Variants in C1orf21 observed in about 807,000 individuals in gnomAD.
C1orf21 encodes chromosome 1 open reading frame 21.
C1orf21 carries 3 observed loss-of-function variants against 18.7 expected under a neutral mutation model. The ratio of observed to expected loss-of-function variants is 0.16; its 90% CI spans 0.07 to 0.42. The LOEUF (loss-of-function observed/expected upper bound fraction) is 0.42, where lower values mean the gene tolerates loss of function less well. Among genes scored for constraint, C1orf21 ranks in the 10% least tolerant of loss-of-function variants. The pLI is 0.99. For synonymous variants in C1orf21, 41 were observed against 46.4 expected, an observed-to-expected ratio of 0.88 and a Z score of 0.47; for missense variants, 104 against 143.6, an observed-to-expected ratio of 0.72 and a Z score of 1.41.
At chr1:184,559,705 C>A (rs1371520251) in intron 3 of C1orf21, among the ~76,000 whole-genome samples, 1 of 148,364 alleles carries the variant, frequency 6.7e-6, no homozygotes, top group Non-Finnish European at 1.5e-5. Context: ...TGGCTCACTA[C>A]AACCTGAGCT....
At chr1:184,560,070 AG>A (rs1047978937) in intron 3 of C1orf21, among the ~76,000 whole-genome samples, 1 of 152,150 alleles carries the variant, frequency 6.6e-6, no homozygotes, top group African/African-American at 2.4e-5. Flanking sequence ...TCTCCTCTAT[AG>A]CAATGCAAGA....
intron 3 of C1orf21, among the ~76,000 whole-genome samples, chr1:184,585,822 G>A (rs371777548): frequency 1.3e-5 from 2 of 152,160 alleles, no homozygotes; most frequent in East Asian, 1.9e-4. Flanking sequence ...TGGCTGCATG[G>A]TATTCCAGAT....
rs1408833967 is a variant in C1orf21, at chr1:184,410,644, TATATATATATATATATA to T, written c.-125+23277_-125+23293del. Among the ~76,000 whole-genome samples the T allele has an allele frequency of 9.5e-3, 49 of 5,168 alleles. 8 individuals are homozygous for T. Among genetic ancestry groups the T allele is most frequent in the Admixed American group, 0.031 (13 of 418 alleles). The allele number at this position is 5,168 out of a possible 152,430, so 3.4% of individuals were successfully genotyped here. A position where few individuals can be genotyped will look rare whatever the true frequency, so the allele number is the denominator to read the frequency against. On this transcript the variant is annotated intron_variant, in intron 1 of 5. Transcript: ENST00000235307. ...ATATATATATATATATATATATATA[TATATATATATATATATA>T]TATTTTTTTTTTTTTTTTTTGAGAT...
chr1:184,532,479 T>C (rs755337379), intron 3 of C1orf21, among the ~76,000 whole-genome samples: 3 of 152,172 alleles, frequency 2.0e-5, no homozygotes, highest in Non-Finnish European at 4.4e-5. Flanking sequence ...GCATTATGGC[T>C]CATGTCTGTA....
chr1:184,421,334 G>A (rs759410558), intron 1 of C1orf21, among the ~76,000 whole-genome samples: 1 of 152,238 alleles, frequency 6.6e-6, no homozygotes, highest in Non-Finnish European at 1.5e-5. Context: ...TTGAACTCCT[G>A]GGCTCAAGCA....
intron 5 of C1orf21, among the ~76,000 whole-genome samples, chr1:184,604,834 A>C (rs1046624217): frequency 2.6e-5 from 4 of 152,366 alleles, no homozygotes; most frequent in Middle Eastern, 3.4e-3. Context: ...CTGAAAAGAA[A>C]TGCAACACAC....
At chr1:184,591,159 C>T (rs957631620) in intron 4 of C1orf21, among the ~76,000 whole-genome samples, 2 of 152,032 alleles carry the variant, frequency 1.3e-5, no homozygotes, top group African/African-American at 4.8e-5. Context: ...GGAACCAATC[C>T]CCCACAGATA....
At chr1:184,501,214 A>G (rs1441003024) in intron 2 of C1orf21, among the ~76,000 whole-genome samples, 1 of 152,150 alleles carries the variant, frequency 6.6e-6, no homozygotes, top group Non-Finnish European at 1.5e-5. Flanking sequence ...CTGACTCCTT[A>G]GTAAGACTTG....
intron 3 of C1orf21, among the ~76,000 whole-genome samples, chr1:184,543,816 T>C (rs1002237221): frequency 2.6e-5 from 4 of 152,230 alleles, no homozygotes; most frequent in Admixed American, 2.6e-4. Context: ...AGGAGTATTA[T>C]TTTTGCTTCT....
chr1:184,403,765 T>C (rs2101958404), intron 1 of C1orf21, among the ~76,000 whole-genome samples: 1 of 152,290 alleles, frequency 6.6e-6, no homozygotes, highest in East Asian at 1.9e-4. Context: ...CAATAACTTT[T>C]TGATTGATTG....
chr1:184,617,403 A>G (rs1203291976), intron 5 of C1orf21, among the ~76,000 whole-genome samples: 1 of 152,134 alleles, frequency 6.6e-6, no homozygotes, highest in African/African-American at 2.4e-5. Flanking sequence ...ATCTGTGGAG[A>G]GCATCATCTG....
At chr1:184,567,567 T>C in intron 3 of C1orf21, 1 of 489,618 alleles carries the variant, frequency 2.0e-6, no homozygotes, top group Non-Finnish European at 4.1e-6. Context: ...AGCCTCCCTC[T>C]GGATCAGCTA....
chr1:184,526,230 G>C (rs967063940), intron 3 of C1orf21, among the ~76,000 whole-genome samples: 6 of 152,124 alleles, frequency 3.9e-5, no homozygotes, highest in Non-Finnish European at 8.8e-5. Flanking sequence ...TTAAACATTA[G>C]TGAATTTTTC....
At chr1:184,546,348 T>A (rs1658726976) in intron 3 of C1orf21, among the ~76,000 whole-genome samples, 1 of 152,130 alleles carries the variant, frequency 6.6e-6, no homozygotes, top group African/African-American at 2.4e-5. Flanking sequence ...GATGGGAGGA[T>A]TGCTTGAACC....
At chr1:184,408,193 CA>C (rs1387612207) in intron 1 of C1orf21, 1 of 152,190 alleles carries the variant, frequency 6.6e-6, no homozygotes, top group Non-Finnish European at 1.5e-5. Flanking sequence ...ATAGAAATTG[CA>C]GCAATTCAGT....
At chr1:184,483,726 G>A (rs911762503) in intron 2 of C1orf21, among the ~76,000 whole-genome samples, 1 of 151,978 alleles carries the variant, frequency 6.6e-6, no homozygotes, top group Non-Finnish European at 1.5e-5. Context: ...GCTTGTTTTT[G>A]GTCTGTTTTT....
In C1orf21 at chr1:184,409,366, G is replaced by A. The variant is rs145642524; in HGVS notation, c.-125+21998G>A. On this transcript the variant is annotated intron_variant, in intron 1 of 5. Coordinates refer to ENST00000235307, the MANE Select transcript of C1orf21 (RefSeq NM_030806.4). ...GAAGTGAAATGAGGTACTAATGGAAGGTTTGTGGGGTGAGGAATGTGGGCT... is the reference window on the plus strand; with the variant it reads ...GAAGTGAAATGAGGTACTAATGGAAAGTTTGTGGGGTGAGGAATGTGGGCT... 1.8e-4 allele frequency among the ~76,000 whole-genome samples: 27 copies of A among 152,270 alleles called. No homozygotes were observed. The East Asian group carries it at 4.6e-3, about 26-fold the overall frequency.
At chr1:184,417,384 G>A (rs1357984242) in intron 1 of C1orf21, among the ~76,000 whole-genome samples, 1 of 152,180 alleles carries the variant, frequency 6.6e-6, no homozygotes, top group East Asian at 1.9e-4. Context: ...TGTCAAGATA[G>A]CTCTCAGAGT....
chr1:184,551,723 G>C (rs972851358), intron 3 of C1orf21, among the ~76,000 whole-genome samples: 4 of 152,072 alleles, frequency 2.6e-5, no homozygotes, highest in Non-Finnish European at 5.9e-5. Flanking sequence ...GGGCTTTGGG[G>C]GTCCAGGGTG....
Sources: allele counts gnomAD v4.1 joint callset (sites outside exome capture counted in the v4.1 genomes callset), GRCh38; gene constraint gnomAD v4.1.1; transcripts MANE v1.5; gene names NCBI Gene and HGNC (gene_info 2026-07-23, HGNC 2026-07-21).